The following MARCHF1 variants were observed in gnomAD, a reference collection of about 807,000 sequenced individuals.
MARCHF1 encodes membrane associated ring-CH-type finger 1, also known as E3 ubiquitin-protein ligase MARCHF1.
MARCHF1 carries 40 observed loss-of-function variants against 54.2 expected under a neutral mutation model. The observed-to-expected ratio is 0.74, with a 90% CI of 0.57 to 0.96. The LOEUF (loss-of-function observed/expected upper bound fraction) is 0.96. Among genes scored for constraint, MARCHF1 ranks in the 40% least tolerant of loss-of-function variants. The probability of loss-of-function intolerance (pLI) is 0.00; values close to 1 mark genes in which losing one functional copy is unlikely to be tolerated. For missense variants in MARCHF1, 586 were observed against 656.5 expected (o/e 0.89, Z 1.17); for synonymous variants, 236 against 236.3 (o/e 1.00, Z 0.01).
intron 4 of MARCHF1, among the ~76,000 whole-genome samples, chr4:163,843,494 G>T (rs1374265962): frequency 6.6e-6 from 1 of 151,724 alleles, no homozygotes; most frequent in Non-Finnish European, 1.5e-5. Flanking sequence ...GTGTATCTGT[G>T]CTCGCTTTTC....
intron 3 of MARCHF1, among the ~76,000 whole-genome samples, chr4:163,940,958 T>C (rs2110749850): frequency 6.6e-6 from 1 of 152,216 alleles, no homozygotes; most frequent in South Asian, 2.1e-4. Context: ...ATGTCAAGCA[T>C]TATAGTAGTA....
chr4:163,714,278 T>A (rs1745194114), intron 4 of MARCHF1, among the ~76,000 whole-genome samples: 1 of 152,314 alleles, frequency 6.6e-6, no homozygotes, highest in East Asian at 1.9e-4. Context: ...CAAATAAATA[T>A]GCAATGTAAG....
intron 1 of MARCHF1, among the ~76,000 whole-genome samples, chr4:164,162,125 C>T (rs1864597): frequency 0.19 from 29,000 of 151,980 alleles, 4,400 homozygotes; most frequent in African/African-American, 0.41. Context: ...ATAAAAGAAA[C>T]ATGTTTTGTA....
intron 1 of MARCHF1, among the ~76,000 whole-genome samples, chr4:164,257,950 C>T (rs796995750): frequency 1.3e-5 from 2 of 152,150 alleles, no homozygotes; most frequent in African/African-American, 4.8e-5. Context: ...GACACATGCA[C>T]ACGTATGTTT....
intron 4 of MARCHF1, among the ~76,000 whole-genome samples, chr4:163,783,106 T>A (rs1747516499): frequency 2.0e-5 from 3 of 152,218 alleles, no homozygotes; most frequent in Admixed American, 6.5e-5. Flanking sequence ...AAAATATAGC[T>A]AATATCTATT....
At chr4:163,934,876 A>G (rs919356535) in intron 3 of MARCHF1, among the ~76,000 whole-genome samples, 15 of 152,110 alleles carry the variant, frequency 9.9e-5, no homozygotes, top group Admixed American at 4.6e-4. Flanking sequence ...CCTCCCCTGA[A>G]TCACAAATAT....
rs574317676 is a variant in MARCHF1, at chr4:163,791,160, T to C, written c.111+62861A>G. ...TTTACTCAGTACCAGAACTAAGGCATATAAGAATGTGTTTTCTTCTTCTAG... is the reference window on the plus strand; with the variant it reads ...TTTACTCAGTACCAGAACTAAGGCACATAAGAATGTGTTTTCTTCTTCTAG... On this transcript the variant is annotated intron_variant, in intron 4 of 9. Coordinates refer to ENST00000514618, the MANE Select transcript of MARCHF1 (RefSeq NM_001394959.1). 4.6e-5 allele frequency among the ~76,000 whole-genome samples: 7 copies of C among 152,282 alleles called. No individual in the cohort carries two copies. In the South Asian group the frequency reaches 8.3e-4, roughly 18 times the overall value.
chr4:164,110,658 G>T (rs1755814911), intron 2 of MARCHF1, among the ~76,000 whole-genome samples: 1 of 150,668 alleles, frequency 6.6e-6, no homozygotes, highest in Non-Finnish European at 1.5e-5. Flanking sequence ...TTACTATGAG[G>T]CGATACAATC....
intron 4 of MARCHF1, among the ~76,000 whole-genome samples, chr4:163,703,384 AT>A (rs1171205145): frequency 1.3e-5 from 2 of 152,158 alleles, no homozygotes; most frequent in East Asian, 1.9e-4. Context: ...CACCAGAAAC[AT>A]TTCCTCTCTT....
chr4:163,857,244 C>A (rs1363679867), intron 3 of MARCHF1, among the ~76,000 whole-genome samples: 3 of 151,756 alleles, frequency 2.0e-5, no homozygotes, highest in Non-Finnish European at 2.9e-5. Context: ...AAAATATTTT[C>A]TTTTTTGCAT....
intron 8 of MARCHF1, among the ~76,000 whole-genome samples, chr4:163,569,837 A>G (rs543147657): frequency 6.6e-6 from 1 of 152,314 alleles, no homozygotes; most frequent in South Asian, 2.1e-4. Context: ...TCTGTAATTA[A>G]TTGTACAATT....
At chr4:164,094,155 T>C (rs1755361134) in intron 2 of MARCHF1, among the ~76,000 whole-genome samples, 1 of 152,096 alleles carries the variant, frequency 6.6e-6, no homozygotes, top group South Asian at 2.1e-4. Context: ...AAGAAGTGGA[T>C]GGACGTGCCA....
At chr4:163,675,476 G>C (rs1172573469) in intron 5 of MARCHF1, among the ~76,000 whole-genome samples, 2 of 152,106 alleles carry the variant, frequency 1.3e-5, no homozygotes, top group Non-Finnish European at 2.9e-5. Context: ...GAGAGTGAAA[G>C]AACAAGCACA....
chr4:164,312,735 G>A (rs1734892484), intron 1 of MARCHF1, among the ~76,000 whole-genome samples: 1 of 151,526 alleles, frequency 6.6e-6, no homozygotes, highest in African/African-American at 2.4e-5. Flanking sequence ...TTCTTCATGT[G>A]GAAGGAAATA....
chr4:163,888,196 A>G (rs1342782228), intron 3 of MARCHF1, among the ~76,000 whole-genome samples: 1 of 152,208 alleles, frequency 6.6e-6, no homozygotes, highest in Non-Finnish European at 1.5e-5. Context: ...TAATTTAAAA[A>G]ATTATCAACA....
At chr4:163,742,093 G>C (rs188252720) in intron 4 of MARCHF1, among the ~76,000 whole-genome samples, 1 of 152,028 alleles carries the variant, frequency 6.6e-6, no homozygotes, top group African/African-American at 2.4e-5. Flanking sequence ...AGGCACATTG[G>C]GGGGTGTGTC....
intron 1 of MARCHF1, among the ~76,000 whole-genome samples, chr4:164,317,949 T>A (rs1735042063): frequency 6.6e-6 from 1 of 152,176 alleles, no homozygotes; most frequent in African/African-American, 2.4e-5. Flanking sequence ...GAGGCACTTT[T>A]ATCCAGGCTA....
At chr4:163,805,700 A>G (rs1748206993) in intron 4 of MARCHF1, among the ~76,000 whole-genome samples, 1 of 152,174 alleles carries the variant, frequency 6.6e-6, no homozygotes, top group African/African-American at 2.4e-5. Flanking sequence ...ATTGTACCAT[A>G]TTGCCTCTTT....
intron 3 of MARCHF1, among the ~76,000 whole-genome samples, chr4:163,957,966 A>G (rs1284795054): frequency 6.6e-6 from 1 of 152,066 alleles, no homozygotes; most frequent in East Asian, 1.9e-4. Context: ...AATATTTCCA[A>G]TCATATTTTA....
Sources: gnomAD v4.1 joint callset for allele counts (sites outside exome capture counted in the v4.1 genomes callset) on GRCh38, gnomAD v4.1.1 for gene constraint, MANE v1.5 for transcripts, NCBI Gene and HGNC (gene_info 2026-07-23, HGNC 2026-07-21) for gene names.